The following NPAS3 variants were observed in gnomAD, a reference collection of about 807,000 sequenced individuals.
NPAS3 encodes neuronal PAS domain protein 3.
A neutral mutation model predicts 73.1 loss-of-function variants in NPAS3; 14 were observed. That is an observed-to-expected ratio of 0.19 (90% CI 0.13 to 0.30). NPAS3 has a LOEUF of 0.30. Ranked by LOEUF, NPAS3 falls within the 10% of genes least tolerant of loss-of-function variation. The pLI, the probability that NPAS3 is intolerant of heterozygous loss-of-function variation, is 1.00. For synonymous variants in NPAS3, 620 were observed against 541.5 expected (o/e 1.14, Z -2.01); for missense variants, 1,096 against 1,250.0 (o/e 0.88, Z 1.86).
chr14:33,801,047 C>A (rs1474841836), exon 12 of NPAS3: 1 of 1,594,036 alleles, frequency 6.3e-7, no homozygotes, highest in South Asian at 1.1e-5. Flanking sequence ...CTCCACGCTG[C>A]CCTTCCCCGT....
rs140808283 is a variant in NPAS3 at position 33,757,488 on chromosome 14, A to G, written c.853-16849A>G. On this transcript the variant is annotated intron_variant, in intron 7 of 11. Coordinates refer to ENST00000356141, the Ensembl canonical transcript of NPAS3. ...CTACTTCCTTAAAGATACTCTAGGA[A>G]GATGAATCTGACAGTAAAATGCAGG... 4.3e-3 allele frequency among the ~76,000 whole-genome samples: 658 copies of G among 152,264 alleles called. 5 individuals are homozygous for G. Among genetic ancestry groups the G allele is most frequent in the African/African-American group, 0.015 (629 of 41,562 alleles).
chr14:33,483,875 A>G (rs2139737986), intron 4 of NPAS3, among the ~76,000 whole-genome samples: 1 of 152,334 alleles, frequency 6.6e-6, no homozygotes, highest in Non-Finnish European at 1.5e-5. Context: ...TCCAGCAGAA[A>G]TACTGCCTTT....
chr14:33,353,266 G>A (rs1438452766), intron 3 of NPAS3, among the ~76,000 whole-genome samples: 3 of 151,992 alleles, frequency 2.0e-5, no homozygotes, highest in African/African-American at 4.8e-5. Flanking sequence ...ATGCATTTTA[G>A]TTTCCTTTGA....
At chr14:33,326,020 T>C (rs761173378) in intron 3 of NPAS3, among the ~76,000 whole-genome samples, 18 of 152,178 alleles carry the variant, frequency 1.2e-4, no homozygotes, top group Non-Finnish European at 1.9e-4. Flanking sequence ...GTTATGGTGG[T>C]TAGAAAATAA....
At chr14:33,121,890 T>C (rs1030501392) in intron 2 of NPAS3, among the ~76,000 whole-genome samples, 3 of 152,152 alleles carry the variant, frequency 2.0e-5, no homozygotes, top group African/African-American at 7.2e-5. Context: ...ATCTCACTTA[T>C]TACTGGCAGA....
chr14:33,313,349 C>T (rs1199572956), intron 3 of NPAS3, among the ~76,000 whole-genome samples: 2 of 151,998 alleles, frequency 1.3e-5, no homozygotes, highest in Non-Finnish European at 1.5e-5. Context: ...TGTATCCCAG[C>T]GGTTTATTGA....
At chr14:33,460,302 G>A (rs1334124729) in intron 4 of NPAS3, among the ~76,000 whole-genome samples, 5 of 152,176 alleles carry the variant, frequency 3.3e-5, no homozygotes, top group African/African-American at 1.2e-4. Flanking sequence ...TCTGGGCAGG[G>A]TGCCTTGAAT....
intron 2 of NPAS3, among the ~76,000 whole-genome samples, chr14:33,060,290 G>T (rs1267110219): frequency 6.6e-6 from 1 of 152,182 alleles, no homozygotes; most frequent in African/African-American, 2.4e-5. Flanking sequence ...ATTTGAGGAA[G>T]AGTGGGGTGT....
chr14:33,674,832 C>T (rs1160395192), intron 5 of NPAS3, among the ~76,000 whole-genome samples: 1 of 152,182 alleles, frequency 6.6e-6, no homozygotes, highest in Non-Finnish European at 1.5e-5. Flanking sequence ...GGAAGATCTG[C>T]AGCCTGTTAA....
rs568929818 is a variant in NPAS3, at chr14:33,624,428, C to A, written c.559-51783C>A. On this transcript the variant is annotated intron_variant, in intron 5 of 11. Transcript: ENST00000356141. The stretch of plus-strand genomic sequence containing the variant: ...GGGATTTGTGAATCTCTGAAATTGA[C>A]ATAAAATGTTGTGTTCATCTATTTT... Among the ~76,000 whole-genome samples, 10 of 152,288 alleles carry A rather than the reference C, an allele frequency of 6.6e-5. No individual in the cohort carries two copies. In the South Asian group the frequency reaches 2.1e-3, roughly 32 times the overall value.
At position 33,474,388 on chromosome 14, in the gene NPAS3, TAATC is replaced by T. The variant is rs899193251; in HGVS notation, c.469-85730_469-85727del. Among the ~76,000 whole-genome samples, 89 of 152,170 alleles carry T rather than the reference TAATC, an allele frequency of 5.8e-4. 2 individuals are homozygous for T. In the Middle Eastern group the frequency reaches 0.014, roughly 23 times the overall value. ...ATAACTACAGTATGTTTAGTAAAAA[TAATC>T]AAGGAAACTGCCTATACAAACATAC... is the stretch of plus-strand genomic sequence containing the variant. On this transcript the variant is annotated intron_variant, in intron 4 of 11. Coordinates refer to ENST00000356141, the Ensembl canonical transcript of NPAS3.
At chr14:32,994,630 G>GTTTTTTTTTTTTTTTTTT (rs777136450) in intron 1 of NPAS3, among the ~76,000 whole-genome samples, 2 of 123,598 alleles carry the variant, frequency 1.6e-5, no homozygotes, top group Non-Finnish European at 3.2e-5. Flanking sequence ...TTGTTTGTTT[G>GTTTTTTTTTTTTTTTTTT]TTTTTGTTTT....
intron 5 of NPAS3, among the ~76,000 whole-genome samples, chr14:33,569,184 C>G (rs530424734): frequency 6.6e-6 from 1 of 152,190 alleles, no homozygotes; most frequent in Non-Finnish European, 1.5e-5. Flanking sequence ...GCTGCAAATT[C>G]ACCACATTCA....
At chr14:33,618,519 A>C (rs1204930472) in intron 5 of NPAS3, among the ~76,000 whole-genome samples, 1 of 152,046 alleles carries the variant, frequency 6.6e-6, no homozygotes, top group East Asian at 1.9e-4. Flanking sequence ...CAGGAGGTGG[A>C]GCTCAGGTGA....
chr14:33,294,135 G>A (rs2042204438), intron 3 of NPAS3, among the ~76,000 whole-genome samples: 1 of 152,152 alleles, frequency 6.6e-6, no homozygotes, highest in Non-Finnish European at 1.5e-5. Context: ...TATGGAAAGG[G>A]TTGGAGAGGT....
At chr14:33,116,098 C>T (rs1269162479) in intron 2 of NPAS3, among the ~76,000 whole-genome samples, 1 of 152,046 alleles carries the variant, frequency 6.6e-6, no homozygotes. Context: ...TTGTAAGCTA[C>T]TTGGGTGCCT....
intron 5 of NPAS3, among the ~76,000 whole-genome samples, chr14:33,639,479 C>T (rs2058616832): frequency 1.3e-5 from 2 of 152,218 alleles, no homozygotes; most frequent in Admixed American, 1.3e-4. Context: ...TGGTAGGCTA[C>T]ATAATATGGC....
intron 3 of NPAS3, among the ~76,000 whole-genome samples, chr14:33,306,089 A>G (rs2042742670): frequency 1.3e-5 from 2 of 152,222 alleles, no homozygotes; most frequent in Admixed American, 1.3e-4. Context: ...AGGACAAAAC[A>G]AAAGTAAAAT....
In NPAS3 at chr14:33,215,144, A is replaced by G. The variant is rs200675155; in HGVS notation, c.141-38A>G. The G allele has an allele frequency of 1.1e-5, 18 of 1,600,090 alleles. No homozygotes were observed. The East Asian group carries it at 2.2e-4, about 20-fold the overall frequency. On this transcript the variant is annotated intron_variant, in intron 2 of 11. Coordinates refer to ENST00000356141, the Ensembl canonical transcript of NPAS3. ...AGTATTTGAATGATGACAGAGTCAC[A>G]TATTCTAAACCACACATTCTCACTC...
Sources: gnomAD v4.1 joint callset for allele counts (sites outside exome capture counted in the v4.1 genomes callset) on GRCh38, gnomAD v4.1.1 for gene constraint, MANE v1.5 for transcripts, NCBI Gene and HGNC (gene_info 2026-07-23, HGNC 2026-07-21) for gene names.